Variants in ANKS1B observed in about 807,000 individuals in gnomAD.
ANKS1B encodes the protein ankyrin repeat and sterile alpha motif domain-containing protein 1B.
A neutral mutation model predicts 148.3 loss-of-function variants in ANKS1B; 36 were observed. The observed-to-expected ratio is 0.24, with a 90% CI of 0.19 to 0.32. The LOEUF is 0.32. Ranked by LOEUF, ANKS1B falls within the 10% of genes least tolerant of loss-of-function variation. ANKS1B has a pLI of 1.00. For synonymous variants in ANKS1B, 542 were observed against 560.8 expected (o/e 0.97, Z 0.47); for missense variants, 1,157 against 1,542.6 (o/e 0.75, Z 4.19).
Position 99,301,332 on chromosome 12 carries a change from C to T in ANKS1B, c.1757-54468G>A, listed in dbSNP as rs552342960. 5.1e-4 allele frequency among the ~76,000 whole-genome samples: 77 copies of T among 151,994 alleles called. No individual in the cohort carries two copies. The South Asian group carries it at 0.016, about 31-fold the overall frequency. ...GCTCTCTGGGATCTCTTGGCCCTGT[C>T]GAGTTGACATAAAATTAACCATTAC... On this transcript the variant is annotated intron_variant, in intron 12 of 26. Coordinates refer to ENST00000683438, the MANE Select transcript of ANKS1B (RefSeq NM_001352186.2).
intron 17 of ANKS1B, among the ~76,000 whole-genome samples, chr12:99,031,007 C>T (rs1246338138): frequency 1.3e-5 from 2 of 152,196 alleles, no homozygotes; most frequent in African/African-American, 4.8e-5. Context: ...AAAGATGGAA[C>T]AAAATTGGTC....
At chr12:99,385,731 C>T (rs2093832907) in intron 12 of ANKS1B, among the ~76,000 whole-genome samples, 1 of 152,086 alleles carries the variant, frequency 6.6e-6, no homozygotes, top group Non-Finnish European at 1.5e-5. Context: ...AGCTGCATAT[C>T]AATGGCCAAG....
chr12:98,998,827 C>T (rs753543650), intron 17 of ANKS1B, among the ~76,000 whole-genome samples: 1 of 152,042 alleles, frequency 6.6e-6, no homozygotes, highest in Non-Finnish European at 1.5e-5. Context: ...CTTTGGGATA[C>T]GAAGTGATGG....
chr12:98,815,976 A>G (rs2099136355), intron 19 of ANKS1B, among the ~76,000 whole-genome samples: 1 of 151,968 alleles, frequency 6.6e-6, no homozygotes. Flanking sequence ...CAGTCCTAAC[A>G]ATGACCTGCA....
chr12:99,859,333 A>G (rs1236636388), intron 1 of ANKS1B, among the ~76,000 whole-genome samples: 1 of 152,260 alleles, frequency 6.6e-6, no homozygotes, highest in African/African-American at 2.4e-5. Context: ...CACGCATAAT[A>G]TACTTTATGC....
At chr12:98,740,456 T>G (rs927820353), downstream of ANKS1B, among the ~76,000 whole-genome samples, 3 of 152,180 alleles carry the variant, frequency 2.0e-5, no homozygotes, top group Non-Finnish European at 4.4e-5. Context: ...AGCACAGATG[T>G]TTGGTGTGCA....
intron 14 of ANKS1B, among the ~76,000 whole-genome samples, chr12:99,157,254 A>G (rs2076161418): frequency 1.3e-5 from 2 of 152,214 alleles, no homozygotes; most frequent in Admixed American, 1.3e-4. Flanking sequence ...GAAGAAAAGG[A>G]AAGTCTCAAT....
chr12:99,106,228 A>G (rs962040528), intron 15 of ANKS1B, among the ~76,000 whole-genome samples: 2 of 152,244 alleles, frequency 1.3e-5, no homozygotes, highest in Admixed American at 1.3e-4. Context: ...CCATTATTCT[A>G]GTATCTTCGC....
At chr12:99,869,115 G>A (rs913795768) in intron 1 of ANKS1B, among the ~76,000 whole-genome samples, 1 of 152,052 alleles carries the variant, frequency 6.6e-6, no homozygotes, top group East Asian at 1.9e-4. Context: ...TCATGCTGAT[G>A]AAAGAGAAAA....
chr12:99,773,302 T>C (rs1275483965), intron 7 of ANKS1B, among the ~76,000 whole-genome samples: 1 of 152,168 alleles, frequency 6.6e-6, no homozygotes, highest in African/African-American at 2.4e-5. Flanking sequence ...TTTTATTCTT[T>C]TTCAAAATAG....
At chr12:99,649,141 T>C (rs1220930294) in intron 9 of ANKS1B, 3 of 687,790 alleles carry the variant, frequency 4.4e-6, no homozygotes, top group Non-Finnish European at 7.7e-6. Flanking sequence ...GTAGGACGTG[T>C]CTCCCTGCAA....
intron 14 of ANKS1B, among the ~76,000 whole-genome samples, chr12:99,164,091 T>A (rs2076967645): frequency 6.6e-6 from 1 of 152,190 alleles, no homozygotes; most frequent in Non-Finnish European, 1.5e-5. Flanking sequence ...TGTTCATGTC[T>A]TTTGCTGTTT....
chr12:99,509,256 A>G (rs1001414296), intron 9 of ANKS1B, among the ~76,000 whole-genome samples: 1 of 151,854 alleles, frequency 6.6e-6, no homozygotes, highest in Non-Finnish European at 1.5e-5. Flanking sequence ...AAGAGTTCAA[A>G]TTCAAGAAGA....
chr12:99,561,623 C>G (rs1159808065), intron 9 of ANKS1B, among the ~76,000 whole-genome samples: 1 of 151,262 alleles, frequency 6.6e-6, no homozygotes, highest in Non-Finnish European at 1.5e-5. Context: ...TTTTTTTGCT[C>G]ATCCACGAGA....
intron 15 of ANKS1B, among the ~76,000 whole-genome samples, chr12:99,131,041 T>C (rs971340589): frequency 3.9e-5 from 6 of 152,226 alleles, no homozygotes; most frequent in African/African-American, 1.4e-4. Context: ...AAACTTCTAC[T>C]ATATTGCCTT....
At chr12:98,863,139 C>T (rs1199833776) in intron 17 of ANKS1B, among the ~76,000 whole-genome samples, 1 of 152,238 alleles carries the variant, frequency 6.6e-6, no homozygotes, top group Non-Finnish European at 1.5e-5. Flanking sequence ...TTCACGGACA[C>T]AAGCTATTCC....
chr12:99,178,665 T>C (rs1225209066), intron 14 of ANKS1B, among the ~76,000 whole-genome samples: 1 of 152,256 alleles, frequency 6.6e-6, no homozygotes, highest in African/African-American at 2.4e-5. Flanking sequence ...ATTTTTCTGC[T>C]TTGTTCATTA....
intron 9 of ANKS1B, among the ~76,000 whole-genome samples, chr12:99,611,896 A>T (rs1054687409): frequency 6.6e-6 from 1 of 152,106 alleles, no homozygotes; most frequent in Non-Finnish European, 1.5e-5. Context: ...AATTCATTTT[A>T]TAACTCCTCC....
intron 12 of ANKS1B, among the ~76,000 whole-genome samples, chr12:99,333,444 T>C (rs1342391542): frequency 2.0e-5 from 3 of 152,114 alleles, no homozygotes; most frequent in African/African-American, 4.8e-5. Flanking sequence ...CAGATCTTTA[T>C]AAATGTCTTC....
Sources: allele counts gnomAD v4.1 joint callset (sites outside exome capture counted in the v4.1 genomes callset), GRCh38; gene constraint gnomAD v4.1.1; transcripts MANE v1.5; gene names NCBI Gene and HGNC (gene_info 2026-07-23, HGNC 2026-07-21).